ATP8A2: variants seen among roughly 807,000 people sequenced by gnomAD.
The protein encoded by ATP8A2 is ATPase phospholipid transporting 8A2.
In ATP8A2, 100 loss-of-function variants were observed where a neutral mutation model predicts 165.6. The ratio of observed to expected loss-of-function variants is 0.60; its 90% CI spans 0.51 to 0.71. The LOEUF (loss-of-function observed/expected upper bound fraction) is 0.71. Ranked by LOEUF, ATP8A2 falls within the 30% of genes least tolerant of loss-of-function variation. ATP8A2 has a pLI of 0.00. For missense variants in ATP8A2, 1,227 were observed against 1,479.5 expected, an observed-to-expected ratio of 0.83 and a Z score of 2.80; for synonymous variants, 543 against 548.8, an observed-to-expected ratio of 0.99 and a Z score of 0.15.
intron 28 of ATP8A2, among the ~76,000 whole-genome samples, chr13:25,831,529 A>G (rs1593416820): frequency 6.6e-6 from 1 of 152,120 alleles, no homozygotes; most frequent in African/African-American, 2.4e-5. Flanking sequence ...ACTAATTTTC[A>G]TAACAAGTTA....
chr13:25,511,069 T>C (rs1200795686), intron 2 of ATP8A2, among the ~76,000 whole-genome samples: 2 of 152,222 alleles, frequency 1.3e-5, no homozygotes, highest in African/African-American at 4.8e-5. Context: ...TGTGGTTTTC[T>C]CTACATTGTG....
chr13:25,944,600 A>G (rs1466790845), intron 33 of ATP8A2: 1 of 152,222 alleles, frequency 6.6e-6, no homozygotes, highest in East Asian at 1.9e-4. Context: ...TGGCATCAAT[A>G]TGGTGACCTC....
chr13:25,700,186 G>A (rs1217606518), intron 25 of ATP8A2, among the ~76,000 whole-genome samples: 1 of 152,156 alleles, frequency 6.6e-6, no homozygotes, highest in Non-Finnish European at 1.5e-5. Context: ...GGTGCAGGGA[G>A]CAATGGCCAG....
At chr13:25,905,441 C>T (rs117705376) in intron 33 of ATP8A2, among the ~76,000 whole-genome samples, 3,760 of 151,966 alleles carry the variant, frequency 0.025, 101 homozygotes, top group Non-Finnish European at 0.036. Flanking sequence ...TCTCTTACTT[C>T]CCTGTTGGTC....
intron 25 of ATP8A2, among the ~76,000 whole-genome samples, chr13:25,719,644 G>A (rs912835425): frequency 5.9e-5 from 9 of 152,176 alleles, no homozygotes; most frequent in Non-Finnish European, 1.3e-4. Flanking sequence ...CCAATCTCCC[G>A]TCTGTGTCTT....
chr13:25,412,169 T>G, intron 1 of ATP8A2, among the ~76,000 whole-genome samples: 1 of 152,130 alleles, frequency 6.6e-6, no homozygotes, highest in East Asian at 1.9e-4. Context: ...AGGTATAGGC[T>G]GGGTCGAGCT....
chr13:25,793,322 A>C (rs2045230550), intron 27 of ATP8A2, among the ~76,000 whole-genome samples: 1 of 152,208 alleles, frequency 6.6e-6, no homozygotes, highest in African/African-American at 2.4e-5. Flanking sequence ...AGAGGTTTTC[A>C]GAGTAAATTA....
At chr13:25,811,803 G>A (rs1566163197) in intron 27 of ATP8A2, among the ~76,000 whole-genome samples, 2 of 152,238 alleles carry the variant, frequency 1.3e-5, no homozygotes, top group Non-Finnish European at 2.9e-5. Context: ...TGAAGTTGCA[G>A]TAAGCAATGA....
chr13:25,715,399 G>C (rs891568159), intron 25 of ATP8A2, among the ~76,000 whole-genome samples: 1 of 152,164 alleles, frequency 6.6e-6, no homozygotes, highest in Non-Finnish European at 1.5e-5. Flanking sequence ...AATCAAATTA[G>C]TATACTCATA....
At chr13:25,418,772 C>T (rs970841604) in intron 1 of ATP8A2, among the ~76,000 whole-genome samples, 1 of 152,072 alleles carries the variant, frequency 6.6e-6, no homozygotes. Context: ...AATCAAATAT[C>T]GCAGAAGGGT....
rs919789716 is a variant in ATP8A2 at position 25,585,461 on chromosome 13, G to A, written c.2146+3504G>A. Among the ~76,000 whole-genome samples, 7 of 152,124 alleles carry A rather than the reference G, an allele frequency of 4.6e-5. No homozygotes were observed. In the East Asian group the frequency reaches 1.2e-3, roughly 25 times the overall value. ...GTGTATTCCATTTTAAAGTAATTAA[G>A]TTGGCATTAGCTTTCCTCTTAAACC... On this transcript the variant is annotated intron_variant, in intron 23 of 36. Transcript: ENST00000381655.
Position 25,372,656 on chromosome 13 carries a change from C to T in ATP8A2, c.76+368C>T. Among the ~76,000 whole-genome samples the T allele has an allele frequency of 6.6e-6, 1 of 152,154 alleles. No individual in the cohort carries two copies. Among genetic ancestry groups the T allele is most frequent in the East Asian group, 1.9e-4 (1 of 5,170 alleles). Reference sequence around the variant, plus strand: ...GCGGCAGTCACCGCGATGGTGGGCACGGTTTGGCGGCGCAGAGAAGATGCA... The same window carrying T: ...GCGGCAGTCACCGCGATGGTGGGCATGGTTTGGCGGCGCAGAGAAGATGCA... On this transcript the variant is annotated intron_variant, in intron 1 of 36. Coordinates refer to ENST00000381655, the MANE Select transcript of ATP8A2 (RefSeq NM_016529.6). This position sits in a 1 kb window ranked among gnomAD's most constrained non-coding sequence, Gnocchi z 4.8.
intron 35 of ATP8A2, among the ~76,000 whole-genome samples, chr13:25,999,371 C>G (rs1003686213): frequency 6.6e-6 from 1 of 152,110 alleles, no homozygotes; most frequent in Admixed American, 6.6e-5. Context: ...TCTCTGGTCC[C>G]CTGTCTTCTG....
chr13:25,930,693 A>G (rs1372430355), intron 33 of ATP8A2, among the ~76,000 whole-genome samples: 2 of 152,096 alleles, frequency 1.3e-5, no homozygotes, highest in Non-Finnish European at 2.9e-5. Context: ...TTGTGTGCCC[A>G]GCAAGTGGCT....
intron 2 of ATP8A2, 87 bp from the exon 3 acceptor site, chr13:25,529,912 G>A (rs749701385): frequency 2.7e-6 from 2 of 732,238 alleles, no homozygotes; most frequent in Non-Finnish European, 4.5e-6. Flanking sequence ...TAAACCATTT[G>A]TAAAACTTTC....
chr13:25,559,004 C>T lies in ATP8A2; in HGVS notation c.1295C>T (p.Thr432Met), dbSNP rs745650033. The change falls in exon 14 of 37, where the codon ACG (threonine) becomes ATG (methionine). Residue 432 changes from threonine (T) to methionine (M), a missense_variant. Thr to Met is a moderately conservative substitution (Grantham distance 81). Transcript: ENST00000381655. ...TATCTCTTTTCTGACAAGACTGGAA[C>T]GCTTACATGCAATATCATGAACTTT... ...VKYLFSDKTG[T>M]LTCNIMNFKK... 11 of 1,611,910 alleles carry T rather than the reference C, an allele frequency of 6.8e-6. No homozygotes were observed. The highest frequency in any genetic ancestry group is 1.7e-5 in the Admixed American group (1 of 59,738).
chr13:25,433,207 A>T (rs936294799), intron 1 of ATP8A2, among the ~76,000 whole-genome samples: 1 of 152,158 alleles, frequency 6.6e-6, no homozygotes, highest in Non-Finnish European at 1.5e-5. Flanking sequence ...AGGAAGTGTT[A>T]TGGACTATCT....
At chr13:25,531,541 C>G (rs2038113909) in intron 4 of ATP8A2, among the ~76,000 whole-genome samples, 1 of 150,592 alleles carries the variant, frequency 6.6e-6, no homozygotes, top group African/African-American at 2.4e-5. Flanking sequence ...ACACACACAC[C>G]TTGCTTTCAC....
chr13:25,770,483 A>C (rs1274137783), intron 26 of ATP8A2, among the ~76,000 whole-genome samples: 1 of 151,978 alleles, frequency 6.6e-6, no homozygotes, highest in Non-Finnish European at 1.5e-5. Context: ...GGCTACCCCC[A>C]CCCACCAAGT....
Sources: gnomAD v4.1 joint callset for allele counts (sites outside exome capture counted in the v4.1 genomes callset) on GRCh38, gnomAD v4.1.1 for gene constraint, Gnocchi (gnomAD v3.1) non-coding constraint, MANE v1.5 for transcripts, NCBI Gene and HGNC (gene_info 2026-07-23, HGNC 2026-07-21) for gene names.